The following DIP2C variants were observed in gnomAD, a reference collection of about 807,000 sequenced individuals.
DIP2C encodes DIP2 acetate--CoA ligase C (putative).
Under a neutral mutation model 192.4 loss-of-function variants are expected in DIP2C, and 33 were observed. The observed-to-expected ratio is 0.17, with a 90% confidence interval of 0.13 to 0.23. DIP2C has a LOEUF of 0.23. Ranked by LOEUF, DIP2C falls within the 10% of genes least tolerant of loss-of-function variation. The probability of loss-of-function intolerance (pLI) is 1.00; values close to 1 mark genes in which losing one functional copy is unlikely to be tolerated. For synonymous variants in DIP2C, 979 were observed against 864.1 expected (o/e 1.13, Z -2.33); for missense variants, 1,537 against 2,110.1 (o/e 0.73, Z 5.32).
At chr10:680,933 T>C (rs1018816172) in intron 1 of DIP2C, among the ~76,000 whole-genome samples, 12 of 149,786 alleles carry the variant, frequency 8.0e-5, no homozygotes, top group South Asian at 2.1e-4. Context: ...CCACCGCCTG[T>C]GGCCACGGAA....
intron 1 of DIP2C, among the ~76,000 whole-genome samples, chr10:542,078 T>G (rs536360333): frequency 6.6e-6 from 1 of 152,158 alleles, no homozygotes; most frequent in Admixed American, 6.5e-5. Flanking sequence ...CTGACTGCAC[T>G]CTCAGAAAAG....
chr10:392,818 A>AG (rs1470344423), intron 10 of DIP2C, among the ~76,000 whole-genome samples: 7 of 117,198 alleles, frequency 6.0e-5, no homozygotes, highest in African/African-American at 3.3e-4. Context: ...CACTCAGCGC[A>AG]CACACACACA....
intron 1 of DIP2C, among the ~76,000 whole-genome samples, chr10:492,333 G>C (rs1844506413): frequency 6.6e-6 from 1 of 152,174 alleles, no homozygotes; most frequent in African/African-American, 2.4e-5. Context: ...ACCTGGCCCT[G>C]CCGCCTTGGC....
intron 1 of DIP2C, among the ~76,000 whole-genome samples, chr10:542,094 G>A (rs1384437900): frequency 1.3e-5 from 2 of 152,128 alleles, no homozygotes; most frequent in African/African-American, 4.8e-5. Flanking sequence ...AAAAGTCCCA[G>A]AAGACCCCTC....
chr10:593,686 C>T (rs922825564), intron 1 of DIP2C, among the ~76,000 whole-genome samples: 14 of 152,234 alleles, frequency 9.2e-5, no homozygotes, highest in Middle Eastern at 3.4e-3. Flanking sequence ...GCTCTGCACA[C>T]GGCCTGGGGC....
intron 1 of DIP2C, among the ~76,000 whole-genome samples, chr10:553,512 A>C (rs1294639063): frequency 1.3e-5 from 2 of 152,204 alleles, no homozygotes; most frequent in African/African-American, 4.8e-5. Flanking sequence ...TAAACACTTG[A>C]AGTTTGGCAT....
chr10:613,541 T>C (rs776068583), intron 1 of DIP2C, among the ~76,000 whole-genome samples: 10 of 152,208 alleles, frequency 6.6e-5, no homozygotes, highest in Non-Finnish European at 1.2e-4. Flanking sequence ...ACTGCATTCG[T>C]CTCCACCCTG....
intron 18 of DIP2C, among the ~76,000 whole-genome samples, chr10:368,625 G>A (rs144030997): frequency 0.016 from 2,509 of 152,342 alleles, 22 homozygotes; most frequent in Middle Eastern, 0.024. Context: ...CACCATGAAG[G>A]GGCATGAGGG....
chr10:357,773 G>A, intron 23 of DIP2C, 55 bp downstream of exon 23: 1 of 1,388,120 alleles, frequency 7.2e-7, no homozygotes, highest in Non-Finnish European at 1.0e-6. Context: ...CAGATGGTCG[G>A]GGACAGTCGG....
At chr10:674,496 G>A (rs1037270357) in intron 1 of DIP2C, among the ~76,000 whole-genome samples, 12 of 151,992 alleles carry the variant, frequency 7.9e-5, no homozygotes, top group African/African-American at 1.9e-4. Context: ...GAGGCGGGGT[G>A]CAGTGCCTCA....
At chr10:458,635 C>T (rs924961541) in intron 3 of DIP2C, among the ~76,000 whole-genome samples, 8 of 148,846 alleles carry the variant, frequency 5.4e-5, no homozygotes, top group Admixed American at 4.0e-4. Context: ...GCAGAGTGCT[C>T]GGAACCCCGT....
intron 1 of DIP2C, among the ~76,000 whole-genome samples, chr10:607,041 G>T (rs1410961266): frequency 6.6e-6 from 1 of 152,190 alleles, no homozygotes; most frequent in African/African-American, 2.4e-5. Context: ...ACCGATCTGT[G>T]TCCCGTGGCC....
chr10:595,156 C>A (rs1473579954), intron 1 of DIP2C, among the ~76,000 whole-genome samples: 1 of 152,198 alleles, frequency 6.6e-6, no homozygotes, highest in Non-Finnish European at 1.5e-5. Context: ...GCAGGGCCCA[C>A]ACGGAATCAA....
At chr10:545,165 CCT>C (rs1491446225) in intron 1 of DIP2C, among the ~76,000 whole-genome samples, 8 of 91,892 alleles carry the variant, frequency 8.7e-5, no homozygotes, top group African/African-American at 2.3e-4. Context: ...TGGTGTTTTC[CCT>C]TTTTTTTTTT....
chr10:665,332 G>A (rs1322449347), intron 1 of DIP2C: 1 of 152,036 alleles, frequency 6.6e-6, no homozygotes, highest in African/African-American at 2.4e-5. Context: ...GGCATCATTA[G>A]GACATTGTTC....
intron 31 of DIP2C, among the ~76,000 whole-genome samples, chr10:325,787 C>G (rs1957244813): frequency 6.6e-6 from 1 of 152,090 alleles, no homozygotes; most frequent in Non-Finnish European, 1.5e-5. Flanking sequence ...GTTTAACTGA[C>G]TCTTGAGAGA....
At chr10:285,170 A>AC (rs1421732973) in intron 34 of DIP2C, among the ~76,000 whole-genome samples, 28 of 151,616 alleles carry the variant, frequency 1.8e-4, no homozygotes, top group East Asian at 9.7e-4. Flanking sequence ...AAAAAAAAAA[A>AC]ACACAAGGCC....
intron 8 of DIP2C, among the ~76,000 whole-genome samples, chr10:411,276 C>G (rs1446556574): frequency 6.6e-6 from 1 of 152,238 alleles, no homozygotes; most frequent in Non-Finnish European, 1.5e-5. Context: ...CAGAAATCCA[C>G]AGAGGAGGCA....
chr10:384,773 C>G, intron 14 of DIP2C, 134 bp from the exon 15 acceptor site: 1 of 826,004 alleles, frequency 1.2e-6, no homozygotes, highest in Non-Finnish European at 1.9e-6. Flanking sequence ...ACCATGCACA[C>G]AGGCCCCTGG....
Sources: gnomAD v4.1 joint callset for allele counts (sites outside exome capture counted in the v4.1 genomes callset) on GRCh38, gnomAD v4.1.1 for gene constraint, MANE v1.5 for transcripts, NCBI Gene and HGNC (gene_info 2026-07-23, HGNC 2026-07-21) for gene names.